PSD3: variants seen among roughly 807,000 people sequenced by gnomAD.
PSD3 encodes PH and SEC7 domain-containing protein 3.
In PSD3, 49 loss-of-function variants were observed where a neutral mutation model predicts 105.5. That is an observed-to-expected ratio of 0.46 (90% CI 0.37 to 0.59). The LOEUF (loss-of-function observed/expected upper bound fraction) is 0.59. PSD3 is among the 20% of genes least tolerant of loss of function. PSD3 has a pLI of 0.00. For missense variants in PSD3, 1,561 were observed against 1,263.8 expected (o/e 1.24, Z -3.57); for synonymous variants, 557 against 457.8 (o/e 1.22, Z -2.77).
chr8:19,078,240 A>T (rs1390462932), intron 1 of PSD3, among the ~76,000 whole-genome samples: 1 of 152,140 alleles, frequency 6.6e-6, no homozygotes, highest in Admixed American at 6.6e-5. Context: ...ACCGTATCAT[A>T]ACCTGTAGCA....
chr8:18,888,778 C>A (rs534578074), intron 2 of PSD3, among the ~76,000 whole-genome samples: 1 of 152,298 alleles, frequency 6.6e-6, no homozygotes, highest in African/African-American at 2.4e-5. Flanking sequence ...ATCACCAATT[C>A]CCTATGAGAT....
intron 11 of PSD3, among the ~76,000 whole-genome samples, chr8:18,600,904 T>C (rs1321857587): frequency 1.3e-5 from 2 of 152,200 alleles, no homozygotes; most frequent in African/African-American, 2.4e-5. Flanking sequence ...AGGACCACTT[T>C]TGGCATTTCT....
chr8:18,550,538 T>C (rs1476844672), intron 15 of PSD3, among the ~76,000 whole-genome samples: 1 of 152,186 alleles, frequency 6.6e-6, no homozygotes, highest in Admixed American at 6.6e-5. Context: ...GTCAAAAATA[T>C]ATTTACACCA....
At chr8:18,899,186 A>T (rs1301280703) in intron 2 of PSD3, among the ~76,000 whole-genome samples, 3 of 151,764 alleles carry the variant, frequency 2.0e-5, no homozygotes, top group Non-Finnish European at 2.9e-5. Flanking sequence ...ATCTCCAGCA[A>T]TTCATCTTCT....
At chr8:18,771,645 G>T (rs905166456) in intron 8 of PSD3, among the ~76,000 whole-genome samples, 1 of 152,178 alleles carries the variant, frequency 6.6e-6, no homozygotes. Context: ...GAAATCAACA[G>T]ACCATAAATG....
intron 4 of PSD3, among the ~76,000 whole-genome samples, chr8:18,821,710 CA>C (rs1337152219): frequency 1.4e-5 from 2 of 141,920 alleles, no homozygotes; most frequent in Non-Finnish European, 3.1e-5. Context: ...CACACACACA[CA>C]CACACACCCC....
At chr8:18,649,006 A>T (rs766089302) in intron 10 of PSD3, among the ~76,000 whole-genome samples, 2 of 152,230 alleles carry the variant, frequency 1.3e-5, no homozygotes, top group Non-Finnish European at 2.9e-5. Context: ...CCAGGCAGAC[A>T]TCTGCGGCAG....
intron 4 of PSD3, among the ~76,000 whole-genome samples, chr8:18,826,026 T>C (rs1813155907): frequency 1.3e-5 from 2 of 152,122 alleles, no homozygotes; most frequent in Non-Finnish European, 2.9e-5. Flanking sequence ...CGGATGGCCC[T>C]CCCCAATGTA....
At chr8:18,592,683 CTCAA>C (rs112961426) in intron 12 of PSD3, among the ~76,000 whole-genome samples, 5 of 151,536 alleles carry the variant, frequency 3.3e-5, no homozygotes, top group African/African-American at 1.2e-4. Context: ...GTTCAAGGTG[CTCAA>C]AAAAACAAAC....
intron 1 of PSD3, among the ~76,000 whole-genome samples, chr8:18,991,701 G>A (rs868646056): frequency 1.3e-5 from 2 of 152,214 alleles, no homozygotes; most frequent in Non-Finnish European, 2.9e-5. Flanking sequence ...AGGACCTTTA[G>A]ACAAAGGCAT....
chr8:19,017,877 A>G (rs1827227103), upstream of PSD3, among the ~76,000 whole-genome samples: 1 of 152,202 alleles, frequency 6.6e-6, no homozygotes, highest in Admixed American at 6.5e-5. Flanking sequence ...ATTTATGTAC[A>G]AGTTTTCATG....
intron 1 of PSD3, among the ~76,000 whole-genome samples, chr8:18,966,681 C>A (rs1824273082): frequency 6.6e-6 from 1 of 152,126 alleles, no homozygotes; most frequent in African/African-American, 2.4e-5. Flanking sequence ...ACAGGGGACT[C>A]CTCAGATCCC....
intron 13 of PSD3, among the ~76,000 whole-genome samples, chr8:18,573,122 T>C (rs1469651137): frequency 2.0e-5 from 3 of 152,210 alleles, no homozygotes; most frequent in African/African-American, 7.2e-5. Context: ...TAACTGTGCA[T>C]GTATCATACG....
At chr8:18,820,074 G>A (rs532680448) in intron 4 of PSD3, among the ~76,000 whole-genome samples, 46 of 152,020 alleles carry the variant, frequency 3.0e-4, no homozygotes, top group Admixed American at 5.9e-4. Flanking sequence ...TCGAGAATAT[G>A]CCAAAGTCAT....
intron 9 of PSD3, among the ~76,000 whole-genome samples, chr8:18,716,302 C>T (rs1802590577): frequency 6.6e-6 from 1 of 152,202 alleles, no homozygotes; most frequent in Admixed American, 6.5e-5. Flanking sequence ...GGCATCAAAC[C>T]ACAACCAGAA....
Position 18,966,585 on chromosome 8 carries a change from AC to A in PSD3, c.22-30444del, listed in dbSNP as rs1210480559. Among the ~76,000 whole-genome samples, 302 of 140,164 alleles carry A rather than the reference AC, an allele frequency of 2.2e-3. 1 individual carries two copies. Among genetic ancestry groups the A allele is most frequent in the African/African-American group, 7.0e-3 (268 of 38,148 alleles). 92.0% of individuals were successfully genotyped at this position (140,164 alleles called of 152,430 possible). A position where few individuals can be genotyped will look rare whatever the true frequency, so the allele number is the denominator to read the frequency against. ...GACTGTCTTAAAAAAAAAAAAAAAA[AC>A]CAAAAAACACAAATAGAGTCATTTT... On this transcript the variant is annotated intron_variant, in intron 1 of 15. Coordinates refer to ENST00000327040, the MANE Select transcript of PSD3 (RefSeq NM_015310.4).
chr8:18,752,592 ATT>A (rs1805665333), intron 9 of PSD3, among the ~76,000 whole-genome samples: 1 of 84,040 alleles, frequency 1.2e-5, no homozygotes, highest in East Asian at 4.2e-4. Flanking sequence ...TATATTATAT[ATT>A]ATATATTATA....
chr8:18,637,478 T>G (rs567993292), intron 10 of PSD3, among the ~76,000 whole-genome samples: 1 of 152,324 alleles, frequency 6.6e-6, no homozygotes, highest in East Asian at 1.9e-4. Flanking sequence ...GGCCAACTCC[T>G]CTCTCCCATC....
rs114092110 is a variant in PSD3, at chr8:18,669,919, A to T, written c.2173-14234T>A. ...TAAAACCATTCATTTATTCATTCAT[A>T]TATTCAGTTGAACAGTTATTTATTT... On this transcript the variant is annotated intron_variant, in intron 9 of 15. Transcript: ENST00000327040. Among the ~76,000 whole-genome samples the T allele has an allele frequency of 3.4e-3, 519 of 152,354 alleles. 3 individuals are homozygous for T. Among genetic ancestry groups the T allele is most frequent in the African/African-American group, 0.011 (461 of 41,582 alleles).
Sources: allele counts gnomAD v4.1 joint callset (sites outside exome capture counted in the v4.1 genomes callset), GRCh38; gene constraint gnomAD v4.1.1; transcripts MANE v1.5; gene names NCBI Gene and HGNC (gene_info 2026-07-23, HGNC 2026-07-21).